The following TLK2 variants were observed in gnomAD, a reference collection of about 807,000 sequenced individuals.
TLK2 encodes the protein tousled like kinase 2, also known as serine/threonine-protein kinase tousled-like 2.
A neutral mutation model predicts 117.3 loss-of-function variants in TLK2; 6 were observed. That is an observed-to-expected ratio of 0.05 (90% CI 0.03 to 0.10). The LOEUF is 0.10. Ranked by LOEUF, TLK2 falls within the 10% of genes least tolerant of loss-of-function variation. The probability of loss-of-function intolerance (pLI) is 1.00; values close to 1 mark genes in which losing one functional copy is unlikely to be tolerated. For missense variants in TLK2, 299 were observed against 901.2 expected (o/e 0.33, Z 8.56); for synonymous variants, 257 against 316.7 (o/e 0.81, Z 2.00).
At chr17:62,574,410 G>T in intron 12 of TLK2, 2 of 1,301,750 alleles carry the variant, frequency 1.5e-6, no homozygotes, top group Non-Finnish European at 2.2e-6. Context: ...AGTTTACTTA[G>T]GTGAGATGAA....
chr17:62,592,736 C>T (rs562651125), intron 16 of TLK2, among the ~76,000 whole-genome samples: 1 of 152,286 alleles, frequency 6.6e-6, no homozygotes, highest in South Asian at 2.1e-4. Flanking sequence ...TTGTTGTGTA[C>T]TTTATTTCTA....
intron 3 of TLK2, among the ~76,000 whole-genome samples, chr17:62,521,301 A>G (rs2076031704): frequency 6.6e-6 from 1 of 152,176 alleles, no homozygotes; most frequent in Non-Finnish European, 1.5e-5. Context: ...TCATGTGTGG[A>G]TCTTACATGT....
chr17:62,502,934 T>C (rs1423079042), intron 2 of TLK2, among the ~76,000 whole-genome samples: 3 of 152,188 alleles, frequency 2.0e-5, no homozygotes, highest in Non-Finnish European at 4.4e-5. Context: ...TAGTAGATAC[T>C]GTGCTAGGGA....
intron 6 of TLK2, among the ~76,000 whole-genome samples, chr17:62,535,658 A>G (rs1194634935): frequency 6.6e-6 from 1 of 151,992 alleles, no homozygotes; most frequent in Non-Finnish European, 1.5e-5. Flanking sequence ...AATCCCAGCT[A>G]CTTGGGAGGC....
At chr17:62,495,767 T>C (rs1433077291) in intron 2 of TLK2, among the ~76,000 whole-genome samples, 1 of 151,362 alleles carries the variant, frequency 6.6e-6, no homozygotes, top group Non-Finnish European at 1.5e-5. Flanking sequence ...CAAGCGATTC[T>C]CCTGTCTCAG....
chr17:62,566,025 C>G (rs1402826856), intron 11 of TLK2, among the ~76,000 whole-genome samples: 1 of 152,154 alleles, frequency 6.6e-6, no homozygotes, highest in Non-Finnish European at 1.5e-5. Context: ...CATTCATTGT[C>G]TTTGTCATAA....
intron 2 of TLK2, among the ~76,000 whole-genome samples, chr17:62,514,599 A>G (rs536674276): frequency 5.2e-4 from 72 of 137,470 alleles, no homozygotes; most frequent in Middle Eastern, 8.8e-3. Flanking sequence ...TTTTTTTGAG[A>G]TGGAGTTTTG....
At chr17:62,493,972 C>T (rs934880547) in intron 2 of TLK2, among the ~76,000 whole-genome samples, 7 of 151,960 alleles carry the variant, frequency 4.6e-5, no homozygotes, top group African/African-American at 1.2e-4. Context: ...TGAGCCACTA[C>T]GCCCAGCCAT....
At chr17:62,524,162 T>TA (rs2076226505) in intron 5 of TLK2, 74 bp from the exon 6 acceptor site, 1 of 1,396,862 alleles carries the variant, frequency 7.2e-7, no homozygotes, top group Non-Finnish European at 9.7e-7. Flanking sequence ...GTTTGTGTAT[T>TA]AATCTTTTAC....
Position 62,498,695 on chromosome 17 carries a change from C to A in TLK2, c.81+17489C>A, listed in dbSNP as rs144592315. ...CATGAGCCACCGGGCCTAGCCAAGC[C>A]CTGTCTTTTTTACTGTATTATTACT... is the stretch of plus-strand genomic sequence containing the variant. On this transcript the variant is annotated intron_variant, in intron 2 of 21. Transcript: ENST00000346027. Among the ~76,000 whole-genome samples the A allele has an allele frequency of 5.5e-4, 84 of 151,924 alleles. 1 individual carries two copies. In the East Asian group the frequency reaches 0.013, roughly 23 times the overall value.
intron 3 of TLK2, among the ~76,000 whole-genome samples, chr17:62,521,493 C>T (rs1480683622): frequency 2.6e-5 from 4 of 152,138 alleles, no homozygotes; most frequent in Admixed American, 1.3e-4. Flanking sequence ...TAACCTGACA[C>T]TCCTGAACTC....
At chr17:62,501,702 C>G (rs2074211756) in intron 2 of TLK2, among the ~76,000 whole-genome samples, 2 of 151,368 alleles carry the variant, frequency 1.3e-5, no homozygotes, top group Admixed American at 1.3e-4. Context: ...ACTCATGGCT[C>G]TAGTCCCAGC....
At chr17:62,553,909 A>T (rs898653401) in intron 9 of TLK2, among the ~76,000 whole-genome samples, 154 bp downstream of exon 9, 2 of 152,190 alleles carry the variant, frequency 1.3e-5, no homozygotes, top group African/African-American at 4.8e-5. Flanking sequence ...TCTGAGTAGG[A>T]ACCAGGTTCC....
chr17:62,577,210 G>A (rs1424319246), intron 13 of TLK2, among the ~76,000 whole-genome samples: 1 of 151,742 alleles, frequency 6.6e-6, no homozygotes, highest in Non-Finnish European at 1.5e-5. Flanking sequence ...CTCCTGCCTC[G>A]GCCTCCCAAA....
rs946092545 is a variant in TLK2, at chr17:62,479,064, CTG to C, written c.-230_-229del. ...CCGGGCCCGCGTCGGGCGCCTGGCT[CTG>C]TACGCGAGCCCGGGGATCTGCGGCC... is the stretch of plus-strand genomic sequence containing the variant. On this transcript the variant is annotated 5_prime_UTR_variant, in exon 1 of 22. Coordinates refer to ENST00000346027, the MANE Select transcript of TLK2 (RefSeq NM_006852.6). The C allele has an allele frequency of 6.7e-6, 1 of 150,166 alleles. No homozygotes were observed. Among genetic ancestry groups the C allele is most frequent in the African/African-American group, 2.4e-5 (1 of 41,276 alleles). 9.3% of individuals were successfully genotyped at this position (150,166 alleles called of 1,614,324 possible).
chr17:62,589,591 C>G (rs571509003), intron 16 of TLK2, among the ~76,000 whole-genome samples: 1 of 152,148 alleles, frequency 6.6e-6, no homozygotes, highest in South Asian at 2.1e-4. Context: ...CCTTAATTGG[C>G]GAGAACTTTG....
At chr17:62,516,930 C>A (rs1269177631) in intron 2 of TLK2, among the ~76,000 whole-genome samples, 1 of 151,960 alleles carries the variant, frequency 6.6e-6, no homozygotes, top group Non-Finnish European at 1.5e-5. Flanking sequence ...TTTTTGAGAC[C>A]GTCTCACTCT....
chr17:62,533,267 CAAAAAAATTGAAGTAGTTAAATTT>C (rs879648314), intron 6 of TLK2, among the ~76,000 whole-genome samples: 12 of 151,600 alleles, frequency 7.9e-5, no homozygotes, highest in Middle Eastern at 3.4e-3. Flanking sequence ...CATTCAGATG[CAAAAAAATTGAAGTAGTTAAATTT>C]ATCAGTGTTT....
chr17:62,546,341 A>ATTGTTTTTTTTTTGTTTGTTTTTT (rs2077917732), intron 7 of TLK2, among the ~76,000 whole-genome samples: 2 of 8,866 alleles, frequency 2.3e-4, no homozygotes, highest in African/African-American at 3.9e-4. Context: ...GAGTTTGTTG[A>ATTGTTTTTTTTTTGTTTGTTTTTT]TTGTTTTTTT....
Sources: allele counts gnomAD v4.1 joint callset (sites outside exome capture counted in the v4.1 genomes callset), GRCh38; gene constraint gnomAD v4.1.1; transcripts MANE v1.5; gene names NCBI Gene and HGNC (gene_info 2026-07-23, HGNC 2026-07-21).